TANC1: variants seen among roughly 807,000 people sequenced by gnomAD.
The protein encoded by TANC1 is protein TANC1.
TANC1 carries 77 observed loss-of-function variants against 149.7 expected under a neutral mutation model. That is an observed-to-expected ratio of 0.51 (90% CI 0.43 to 0.62). The LOEUF is 0.62. TANC1 is among the 20% of genes least tolerant of loss of function. The pLI, the probability that TANC1 is intolerant of heterozygous loss-of-function variation, is 0.00. For missense variants in TANC1, 1,985 were observed against 2,321.8 expected (o/e 0.85, Z 2.98); for synonymous variants, 854 against 925.0 (o/e 0.92, Z 1.39).
chr2:159,122,576 ATGC>A (rs2048966391), intron 4 of TANC1, among the ~76,000 whole-genome samples: 1 of 152,136 alleles, frequency 6.6e-6, no homozygotes, highest in African/African-American at 2.4e-5. Flanking sequence ...ATATTCCCTC[ATGC>A]TGCTCCTTTG....
At chr2:159,169,879 G>C (rs1299611485) in intron 9 of TANC1, among the ~76,000 whole-genome samples, 1 of 152,054 alleles carries the variant, frequency 6.6e-6, no homozygotes, top group Non-Finnish European at 1.5e-5. Context: ...TGTAATCACA[G>C]CTACTTGGGA....
At chr2:158,976,707 C>T (rs528211321) in intron 1 of TANC1, among the ~76,000 whole-genome samples, 1 of 152,042 alleles carries the variant, frequency 6.6e-6, no homozygotes, top group African/African-American at 2.4e-5. Context: ...ATGGTGAAAC[C>T]CCGTCTCTAC....
chr2:159,173,372 G>T (rs1054076355), intron 11 of TANC1, among the ~76,000 whole-genome samples: 2 of 152,176 alleles, frequency 1.3e-5, no homozygotes, highest in African/African-American at 4.8e-5. Flanking sequence ...GGAGGCCGAG[G>T]CGTACAGATC....
intron 1 of TANC1, among the ~76,000 whole-genome samples, chr2:158,983,640 C>T (rs1189775401): frequency 6.6e-6 from 1 of 152,030 alleles, no homozygotes; most frequent in Non-Finnish European, 1.5e-5. Context: ...TAATGTTTTG[C>T]TTGAGTATGG....
rs1194918323 is a variant in TANC1 at position 159,150,354 on chromosome 2, T to G, written c.496-16T>G. 8.7e-6 allele frequency: 14 copies of G among 1,611,070 alleles called. No homozygotes were observed. The highest frequency in any genetic ancestry group is 2.5e-6 in the Non-Finnish European group (3 of 1,177,752). Reference sequence around the variant, plus strand: ...TGTGTAAGCCGTGCTAACTCCTCCTTCCATTCATCTTGCAGTGCACAGCTC... The same window carrying G: ...TGTGTAAGCCGTGCTAACTCCTCCTGCCATTCATCTTGCAGTGCACAGCTC... On this transcript the variant is annotated splice_polypyrimidine_tract_variant and intron_variant, in intron 6 of 26. Coordinates refer to ENST00000263635, the MANE Select transcript of TANC1 (RefSeq NM_033394.3).
intron 2 of TANC1, among the ~76,000 whole-genome samples, chr2:159,004,703 TA>T (rs552601227): frequency 1.3e-5 from 2 of 151,426 alleles, no homozygotes; most frequent in African/African-American, 2.4e-5. Flanking sequence ...CCAGTAGAAA[TA>T]AAAAAAACTT....
intron 2 of TANC1, among the ~76,000 whole-genome samples, chr2:159,037,975 TCCTATC>T (rs1461549779): frequency 7.9e-5 from 12 of 152,364 alleles, no homozygotes; most frequent in African/African-American, 2.9e-4. Flanking sequence ...TATTGATTCT[TCCTATC>T]CATGAGCATG....
At chr2:158,974,032 C>T (rs547755123) in intron 1 of TANC1, among the ~76,000 whole-genome samples, 9 of 152,176 alleles carry the variant, frequency 5.9e-5, no homozygotes, top group Non-Finnish European at 1.3e-4. Context: ...CTCTGAACTA[C>T]ATGTTTGAAT....
chr2:159,150,370 T>C lies in TANC1; in HGVS notation c.496T>C (p.Cys166Arg). 1 of 1,613,786 alleles carries C rather than the reference T, an allele frequency of 6.2e-7. No homozygotes were observed. The highest frequency in any genetic ancestry group is 8.5e-7 in the Non-Finnish European group (1 of 1,179,842). ...ITIEDKNETM[C>R]TALSQGISPC... ...ACTCCTCCTTCCATTCATCTTGCAG[T>C]GCACAGCTCTGAGTCAAGGCATCAG... Residue 166 changes from cysteine to arginine, a missense_variant and splice_region_variant, in exon 7 of 27, where the codon TGC (cysteine) becomes CGC (arginine). Physicochemically the swap from Cys to Arg is radical, Grantham distance 180. Coordinates refer to ENST00000263635, the MANE Select transcript of TANC1 (RefSeq NM_033394.3).
chr2:159,029,096 G>T (rs2039579904), intron 2 of TANC1, among the ~76,000 whole-genome samples: 1 of 152,200 alleles, frequency 6.6e-6, no homozygotes, highest in African/African-American at 2.4e-5. Context: ...GTGGAATCGT[G>T]TGCTGTTTAT....
At chr2:159,164,527 T>G (rs1438216414) in intron 8 of TANC1, among the ~76,000 whole-genome samples, 1 of 152,298 alleles carries the variant, frequency 6.6e-6, no homozygotes, top group East Asian at 1.9e-4. Flanking sequence ...TCTCTGCATC[T>G]GAGCTGTGGG....
intron 3 of TANC1, among the ~76,000 whole-genome samples, chr2:159,082,452 T>C (rs936451583): frequency 2.0e-5 from 3 of 152,230 alleles, no homozygotes; most frequent in African/African-American, 7.2e-5. Context: ...TATTATAATT[T>C]AGGTAATTTC....
intron 8 of TANC1, among the ~76,000 whole-genome samples, chr2:159,168,951 A>C (rs1220033453): frequency 6.6e-6 from 1 of 152,138 alleles, no homozygotes; most frequent in Non-Finnish European, 1.5e-5. Context: ...GTGCCACATG[A>C]TTGTCAGATT....
In TANC1 at chr2:159,149,268, C is replaced by A. The variant is rs1574968939; in HGVS notation, c.491C>A (p.Thr164Asn). 4.3e-6 allele frequency: 7 copies of A among 1,614,170 alleles called. No homozygotes were observed. Among genetic ancestry groups the A allele is most frequent in the Non-Finnish European group, 5.1e-6 (6 of 1,180,020 alleles). The change falls in exon 6 of 27, where the codon ACC becomes AAC. Residue 164 changes from threonine (T) to asparagine (N), a missense_variant. Around this residue, in one of 3 missense-constraint regions of TANC1, gnomAD observed 557 missense variants for 612.9 expected, o/e 0.91. Coordinates refer to ENST00000263635, the MANE Select transcript of TANC1 (RefSeq NM_033394.3). ...ATAACCATTGAAGACAAAAATGAAA[C>A]CATGGTAATGCCCGAGGAAGACACT... ...THITIEDKNE[T>N]MCTALSQGIS... is the part of the protein sequence containing the mutation.
rs1240127199 is a variant in TANC1 at position 159,044,555 on chromosome 2, A to G, written c.-15-21341A>G. Among the ~76,000 whole-genome samples, 4 of 151,512 alleles carry G rather than the reference A, an allele frequency of 2.6e-5. No homozygotes were observed. The East Asian group carries it at 7.7e-4, about 29-fold the overall frequency. The stretch of plus-strand genomic sequence containing the variant: ...GCCTAGCATCTAGTAGGACTCAGAT[A>G]CTCCCTCTTTTAAGAAAGAGACCTG... On this transcript the variant is annotated intron_variant, in intron 2 of 26. Coordinates refer to ENST00000263635, the MANE Select transcript of TANC1 (RefSeq NM_033394.3).
At chr2:159,028,568 C>A (rs2039536024) in intron 2 of TANC1, among the ~76,000 whole-genome samples, 1 of 152,198 alleles carries the variant, frequency 6.6e-6, no homozygotes, top group African/African-American at 2.4e-5. Context: ...CACATGAGAT[C>A]TAACTCCTAA....
At chr2:158,990,906 C>G (rs1338263712) in intron 1 of TANC1, among the ~76,000 whole-genome samples, 3 of 151,786 alleles carry the variant, frequency 2.0e-5, no homozygotes, top group Non-Finnish European at 1.5e-5. Flanking sequence ...ACCCTCGTCT[C>G]TACAAAAAAT....
intron 6 of TANC1, chr2:159,149,781 C>T (rs2052574559): frequency 5.5e-6 from 1 of 183,156 alleles, no homozygotes; most frequent in South Asian, 1.3e-4. Context: ...ACCCTGCCAC[C>T]TCCCAGATGT....
chr2:159,006,759 T>C (rs970794791), intron 2 of TANC1, among the ~76,000 whole-genome samples: 1 of 152,208 alleles, frequency 6.6e-6, no homozygotes, highest in Non-Finnish European at 1.5e-5. Context: ...TATATGTAGA[T>C]GAGATATTGA....
Sources: allele counts gnomAD v4.1 joint callset (sites outside exome capture counted in the v4.1 genomes callset), GRCh38; gene constraint gnomAD v4.1.1; regional missense constraint gnomAD v4.1.1; transcripts MANE v1.5; gene names NCBI Gene and HGNC (gene_info 2026-07-23, HGNC 2026-07-21).